DCC: variants seen among roughly 807,000 people sequenced by gnomAD.
DCC encodes DCC netrin 1 receptor, also known as netrin receptor DCC.
In DCC, 58 loss-of-function variants were observed where a neutral mutation model predicts 172.5. That is an observed-to-expected ratio of 0.34 (90% CI 0.27 to 0.42). DCC has a LOEUF of 0.42. DCC is among the 10% of genes least tolerant of loss of function. The pLI is 1.00. For missense variants in DCC, 1,740 were observed against 1,791.0 expected (o/e 0.97, Z 0.51); for synonymous variants, 709 against 644.5 (o/e 1.10, Z -1.52).
intron 5 of DCC, among the ~76,000 whole-genome samples, chr18:52,949,814 G>A (rs1056236916): frequency 3.9e-5 from 6 of 152,152 alleles, no homozygotes; most frequent in Non-Finnish European, 8.8e-5. Flanking sequence ...TTCATTTAAA[G>A]GTTTGGGCAC....
intron 1 of DCC, among the ~76,000 whole-genome samples, chr18:52,558,961 G>A (rs1023249814): frequency 3.3e-5 from 5 of 152,090 alleles, no homozygotes; most frequent in African/African-American, 4.8e-5. Flanking sequence ...GTTTGCTTAC[G>A]GTTATCTCAT....
intron 18 of DCC, among the ~76,000 whole-genome samples, chr18:53,398,568 G>C (rs1049564438): frequency 2.0e-5 from 3 of 152,108 alleles, no homozygotes; most frequent in Non-Finnish European, 1.5e-5. Context: ...CTTGAAAGGA[G>C]ATGAATGTAG....
intron 20 of DCC, among the ~76,000 whole-genome samples, chr18:53,412,381 A>G (rs1170567671): frequency 1.3e-5 from 2 of 152,140 alleles, no homozygotes; most frequent in African/African-American, 2.4e-5. Context: ...AATTTTGTAC[A>G]TGTATACATC....
intron 2 of DCC, among the ~76,000 whole-genome samples, chr18:52,766,153 C>A (rs912044450): frequency 6.6e-6 from 1 of 152,180 alleles, no homozygotes; most frequent in Non-Finnish European, 1.5e-5. Context: ...ACTAGACCTG[C>A]TGCACACCCT....
chr18:52,988,450 G>T (rs1347987477), intron 5 of DCC, among the ~76,000 whole-genome samples: 2 of 152,062 alleles, frequency 1.3e-5, no homozygotes, highest in South Asian at 2.1e-4. Context: ...AAAGAGAGAT[G>T]CTCTATAAGA....
At position 52,425,699 on chromosome 18, in the gene DCC, A is replaced by G. The variant is rs369910252; in HGVS notation, c.91+84821A>G. On this transcript the variant is annotated intron_variant, in intron 1 of 28. Coordinates refer to ENST00000442544, the MANE Select transcript of DCC (RefSeq NM_005215.4). Reference sequence around the variant, plus strand: ...AAAAGTAAAACATTTTGGGACTTGGAGGATTCTTCCCACCCTCATTCATTG... The same window carrying G: ...AAAAGTAAAACATTTTGGGACTTGGGGGATTCTTCCCACCCTCATTCATTG... Among the ~76,000 whole-genome samples the G allele has an allele frequency of 1.5e-4, 23 of 152,212 alleles. No individual in the cohort carries two copies. The East Asian group carries it at 3.9e-3, about 26-fold the overall frequency.
intron 1 of DCC, among the ~76,000 whole-genome samples, chr18:52,746,912 A>G (rs2036913697): frequency 7.4e-6 from 1 of 134,716 alleles, no homozygotes; most frequent in South Asian, 2.3e-4. Context: ...CATTTTACAG[A>G]AAAAAAAAAA....
chr18:53,497,785 C>T (rs773384186), intron 26 of DCC, among the ~76,000 whole-genome samples: 6 of 152,350 alleles, frequency 3.9e-5, no homozygotes, highest in Non-Finnish European at 7.3e-5. Context: ...TGCAGCCCTA[C>T]ACTTTATCCT....
intron 1 of DCC, among the ~76,000 whole-genome samples, chr18:52,572,171 C>T (rs940181530): frequency 1.3e-5 from 2 of 152,132 alleles, no homozygotes; most frequent in Non-Finnish European, 2.9e-5. Context: ...GCTTTCTAGG[C>T]TTTTGCAGAC....
intron 1 of DCC, among the ~76,000 whole-genome samples, chr18:52,691,657 A>T (rs892028806): frequency 6.6e-6 from 1 of 152,162 alleles, no homozygotes; most frequent in Admixed American, 6.6e-5. Context: ...GTAATCCAGG[A>T]TGACCTAGTT....
intron 12 of DCC, among the ~76,000 whole-genome samples, chr18:53,260,193 T>A (rs1422654890): frequency 2.6e-5 from 4 of 152,214 alleles, no homozygotes; most frequent in African/African-American, 9.6e-5. Flanking sequence ...GAAGCCTTCT[T>A]CTCTCAACTT....
At chr18:53,171,843 G>A (rs1421005063) in intron 8 of DCC, among the ~76,000 whole-genome samples, 1 of 145,820 alleles carries the variant, frequency 6.9e-6, no homozygotes, top group Non-Finnish European at 1.5e-5. Context: ...ACATCAGTCA[G>A]AATGGCTATT....
intron 27 of DCC, among the ~76,000 whole-genome samples, chr18:53,503,160 G>A (rs934588335): frequency 2.0e-5 from 3 of 152,096 alleles, no homozygotes; most frequent in Non-Finnish European, 4.4e-5. Context: ...CATGGGTCTA[G>A]GGCAAAACAT....
intron 25 of DCC, among the ~76,000 whole-genome samples, chr18:53,485,776 T>C (rs1041009108): frequency 6.6e-6 from 1 of 152,208 alleles, no homozygotes; most frequent in Non-Finnish European, 1.5e-5. Flanking sequence ...TTGCTTCTCA[T>C]TGAGTTACAA....
intron 5 of DCC, among the ~76,000 whole-genome samples, chr18:53,041,904 T>G (rs1364006061): frequency 6.6e-6 from 1 of 152,096 alleles, no homozygotes; most frequent in Non-Finnish European, 1.5e-5. Context: ...TTAGGGGTTT[T>G]GGGGCTGAGA....
chr18:52,888,745 G>A (rs1015109301), intron 2 of DCC, among the ~76,000 whole-genome samples: 4 of 151,858 alleles, frequency 2.6e-5, no homozygotes, highest in African/African-American at 9.7e-5. Context: ...ATTCACCACT[G>A]GTTTTAATAG....
intron 7 of DCC, among the ~76,000 whole-genome samples, chr18:53,138,044 T>C (rs1374742772): frequency 2.0e-5 from 3 of 151,944 alleles, no homozygotes; most frequent in African/African-American, 7.3e-5. Context: ...CCCAGGGTGG[T>C]CTTAAACTCC....
At position 52,676,759 on chromosome 18, in the gene DCC, G is replaced by A. The variant is rs2035652758; in HGVS notation, c.92-75295G>A. Reference sequence around the variant, plus strand: ...TGATTTTTGTTTCCTTCTTCTCTTGGGTTTGCTTTCTTTTAGGAGCCAGTG... The same window carrying A: ...TGATTTTTGTTTCCTTCTTCTCTTGAGTTTGCTTTCTTTTAGGAGCCAGTG... On this transcript the variant is annotated intron_variant, in intron 1 of 28. Coordinates refer to ENST00000442544, the MANE Select transcript of DCC (RefSeq NM_005215.4). 3.9e-5 allele frequency among the ~76,000 whole-genome samples: 6 copies of A among 152,166 alleles called. No individual in the cohort carries two copies. In the South Asian group the frequency reaches 1.2e-3, roughly 32 times the overall value.
intron 1 of DCC, among the ~76,000 whole-genome samples, chr18:52,536,711 G>A (rs1383588110): frequency 6.6e-6 from 1 of 152,008 alleles, no homozygotes; most frequent in Non-Finnish European, 1.5e-5. Context: ...TATCCCCTAG[G>A]ACATGTCGCC....
Sources: allele counts gnomAD v4.1 joint callset (sites outside exome capture counted in the v4.1 genomes callset), GRCh38; gene constraint gnomAD v4.1.1; transcripts MANE v1.5; gene names NCBI Gene and HGNC (gene_info 2026-07-23, HGNC 2026-07-21).